The following VAPB variants were observed in gnomAD, a reference collection of about 807,000 sequenced individuals.
VAPB encodes VAMP associated protein B and C.
Under a neutral mutation model 25.6 loss-of-function variants are expected in VAPB, and 7 were observed. The ratio of observed to expected loss-of-function variants is 0.27; its 90% confidence interval spans 0.16 to 0.51. The LOEUF is 0.51. Among genes scored for constraint, VAPB ranks in the 20% least tolerant of loss-of-function variants. The probability of loss-of-function intolerance (pLI) is 0.97; values close to 1 mark genes in which losing one functional copy is unlikely to be tolerated. For synonymous variants in VAPB, 112 were observed against 109.2 expected (o/e 1.03, Z -0.16); for missense variants, 266 against 301.3 (o/e 0.88, Z 0.87).
chr20:58,403,098 T>C (rs1988138842), intron 1 of VAPB, among the ~76,000 whole-genome samples: 2 of 152,220 alleles, frequency 1.3e-5, no homozygotes, highest in Admixed American at 6.5e-5. Flanking sequence ...GGGCCCGTTA[T>C]GTACAGCCGA....
rs1175513712 is a variant in VAPB, at chr20:58,450,365, A to G, written c.*6130A>G. 6 of 453,996 alleles carry G rather than the reference A, an allele frequency of 1.3e-5. No homozygotes were observed. The highest frequency in any genetic ancestry group is 4.7e-5 in the South Asian group (3 of 64,456). 28.1% of individuals were successfully genotyped at this position (453,996 alleles called of 1,614,324 possible). A position where few individuals can be genotyped will look rare whatever the true frequency, so the allele number is the denominator to read the frequency against. On this transcript the variant is annotated 3_prime_UTR_variant, in exon 6 of 6. Coordinates refer to ENST00000475243, the MANE Select transcript of VAPB (RefSeq NM_004738.5). ...CGTAAGTACCCTCTGTCTGTTTGCT[A>G]CTATATGAGGTGCTGCGAAATTAGT...
chr20:58,395,254 C>T (rs1220426556), intron 1 of VAPB, among the ~76,000 whole-genome samples: 1 of 149,124 alleles, frequency 6.7e-6, no homozygotes, highest in Non-Finnish European at 1.5e-5. Context: ...TGGGTTCAAA[C>T]GATTCTCCTG....
Position 58,444,273 on chromosome 20 carries a change from T to G in VAPB, c.*38T>G. ...CAGGATGGTAAATTGGATTGGTGGA[T>G]CCACCATATCATGGGATTTAAATTT... On this transcript the variant is annotated 3_prime_UTR_variant, in exon 6 of 6. Coordinates refer to ENST00000475243, the MANE Select transcript of VAPB (RefSeq NM_004738.5). 1 of 1,614,034 alleles carries G rather than the reference T, an allele frequency of 6.2e-7. No individual in the cohort carries two copies. Among genetic ancestry groups the G allele is most frequent in the Non-Finnish European group, 8.5e-7 (1 of 1,179,912 alleles).
Position 58,447,545 on chromosome 20 carries a change from G to T in VAPB, c.*3310G>T. ...AAATCCCAGGAACAGAATTGCTATC[G>T]AAAGATATCATTGCCCAGTTTGCAG... is the stretch of plus-strand genomic sequence containing the variant. On this transcript the variant is annotated 3_prime_UTR_variant, in exon 6 of 6. Transcript: ENST00000475243. The T allele has an allele frequency of 2.2e-6, 1 of 454,078 alleles. No individual in the cohort carries two copies. Among genetic ancestry groups the T allele is most frequent in the South Asian group, 1.6e-5 (1 of 64,472 alleles). The allele number at this position is 454,078 out of a possible 1,614,324, so 28.1% of individuals were successfully genotyped here. A position where few individuals can be genotyped will look rare whatever the true frequency, so the allele number is the denominator to read the frequency against.
intron 1 of VAPB, among the ~76,000 whole-genome samples, chr20:58,397,433 C>G (rs950858865): frequency 6.6e-6 from 1 of 151,666 alleles, no homozygotes; most frequent in Non-Finnish European, 1.5e-5. Context: ...GCAGGAGAAT[C>G]GCTTGAACCT....
intron 1 of VAPB, among the ~76,000 whole-genome samples, chr20:58,411,620 T>C (rs952652191): frequency 2.0e-5 from 3 of 152,240 alleles, no homozygotes; most frequent in Admixed American, 2.0e-4. Context: ...TTTGGTGAGG[T>C]GGCTGTTCAG....
intron 4 of VAPB, chr20:58,440,023 C>G (rs1600817347): frequency 1.3e-5 from 2 of 152,138 alleles, no homozygotes; most frequent in East Asian, 3.9e-4. Flanking sequence ...TCAAAACTAC[C>G]TGAGATTTTA....
intron 1 of VAPB, among the ~76,000 whole-genome samples, chr20:58,409,180 G>C (rs1290295791): frequency 7.5e-6 from 1 of 134,142 alleles, no homozygotes; most frequent in Non-Finnish European, 1.6e-5. Flanking sequence ...GATCAGTAAT[G>C]AACAAGAGGG....
chr20:58,391,434 G>C (rs1434725580), intron 1 of VAPB, among the ~76,000 whole-genome samples: 1 of 152,140 alleles, frequency 6.6e-6, no homozygotes, highest in African/African-American at 2.4e-5. Flanking sequence ...AGTAGAAGAA[G>C]GCTCAAAGAA....
rs767598860 is a variant in VAPB, at chr20:58,440,891, A to G, written c.397-16A>G. On this transcript the variant is annotated splice_polypyrimidine_tract_variant and intron_variant, in intron 4 of 5. Coordinates refer to ENST00000475243, the MANE Select transcript of VAPB (RefSeq NM_004738.5). The stretch of plus-strand genomic sequence containing the variant: ...CATGGTCGGTGACACTTAGGCTTTC[A>G]TTTGTTTTTGAACAGCATGATGTAG... 4.3e-6 allele frequency: 7 copies of G among 1,611,334 alleles called. No individual in the cohort carries two copies. The highest frequency in any genetic ancestry group is 3.3e-5 in the South Asian group (3 of 90,590).
At chr20:58,395,232 A>G (rs1428372335) in intron 1 of VAPB, among the ~76,000 whole-genome samples, 2 of 150,438 alleles carry the variant, frequency 1.3e-5, no homozygotes, top group African/African-American at 2.5e-5. Flanking sequence ...GCTCACTGCA[A>G]CCTCCGCCTC....
intron 1 of VAPB, among the ~76,000 whole-genome samples, 185 bp from the exon 2 acceptor site, chr20:58,418,026 C>T (rs563125668): frequency 2.6e-5 from 4 of 152,322 alleles, no homozygotes; most frequent in Admixed American, 1.3e-4. Flanking sequence ...ATAGTGGGAA[C>T]ATGGTAAATA....
intron 1 of VAPB, among the ~76,000 whole-genome samples, chr20:58,417,840 C>T (rs1988578412): frequency 6.6e-6 from 1 of 152,116 alleles, no homozygotes; most frequent in Non-Finnish European, 1.5e-5. Flanking sequence ...AAGAACTGGC[C>T]TTAGATGCAA....
intron 2 of VAPB, among the ~76,000 whole-genome samples, chr20:58,424,443 G>T (rs115591242): frequency 1.3e-3 from 193 of 152,126 alleles, no homozygotes; most frequent in African/African-American, 4.5e-3. Flanking sequence ...TGGGGAGCTG[G>T]AATTCCTTAA....
At chr20:58,428,674 G>A (rs964628788) in intron 2 of VAPB, among the ~76,000 whole-genome samples, 1 of 152,140 alleles carries the variant, frequency 6.6e-6, no homozygotes, top group African/African-American at 2.4e-5. Context: ...CTCTTTTATA[G>A]TCTGCCATGG....
intron 3 of VAPB, among the ~76,000 whole-genome samples, chr20:58,435,532 C>T (rs1184467566): frequency 6.6e-6 from 1 of 152,202 alleles, no homozygotes; most frequent in Non-Finnish European, 1.5e-5. Flanking sequence ...CACGGCAGGT[C>T]TGCCCACCTG....
rs374268212 is a variant in VAPB, at chr20:58,424,624, G to A, written c.211+6261G>A. 1.6e-4 allele frequency among the ~76,000 whole-genome samples: 25 copies of A among 152,260 alleles called. No individual in the cohort carries two copies. The South Asian group carries it at 5.2e-3, about 32-fold the overall frequency. The stretch of plus-strand genomic sequence containing the variant: ...TTAGAGGAGATTGAAAAGTATGTTG[G>A]ATTTTTGAAAAAGATTTACATTTTA... On this transcript the variant is annotated intron_variant, in intron 2 of 5. Transcript: ENST00000475243.
chr20:58,390,554 G>A (rs1987770025), intron 1 of VAPB, among the ~76,000 whole-genome samples: 1 of 152,064 alleles, frequency 6.6e-6, no homozygotes, highest in South Asian at 2.1e-4. Flanking sequence ...GACGAGGACA[G>A]ACAAACCAAC....
intron 1 of VAPB, among the ~76,000 whole-genome samples, chr20:58,399,187 G>C (rs1988035981): frequency 6.6e-6 from 1 of 151,876 alleles, no homozygotes; most frequent in Non-Finnish European, 1.5e-5. Context: ...TGTAATCCAG[G>C]TACTGGGGAG....
Sources: allele counts gnomAD v4.1 joint callset (sites outside exome capture counted in the v4.1 genomes callset), GRCh38; gene constraint gnomAD v4.1.1; transcripts MANE v1.5; gene names NCBI Gene and HGNC (gene_info 2026-07-23, HGNC 2026-07-21).